The following ADCYAP1 variants were observed in gnomAD, a reference collection of about 807,000 sequenced individuals.
The protein encoded by ADCYAP1 is adenylate cyclase activating polypeptide 1.
Under a neutral mutation model 18.5 loss-of-function variants are expected in ADCYAP1, and 6 were observed. That is an observed-to-expected ratio of 0.32 (90% CI 0.18 to 0.64). The LOEUF (loss-of-function observed/expected upper bound fraction) is 0.64, where lower values mean the gene tolerates loss of function less well. Among genes scored for constraint, ADCYAP1 ranks in the 30% least tolerant of loss-of-function variants. ADCYAP1 has a pLI of 0.77. For missense variants in ADCYAP1, 314 were observed against 253.6 expected (o/e 1.24, Z -1.62); for synonymous variants, 136 against 113.9 (o/e 1.19, Z -1.24).
At chr18:905,546 A>G (rs1333588601) in intron 2 of ADCYAP1, 50 bp downstream of exon 2, 1 of 1,590,298 alleles carries the variant, frequency 6.3e-7, no homozygotes, top group Admixed American at 1.7e-5. Context: ...TCCCAGGCAC[A>G]GACGCTTCCT....
chr18:907,330 G>C (rs961686030), intron 2 of ADCYAP1, among the ~76,000 whole-genome samples: 50 of 152,320 alleles, frequency 3.3e-4, no homozygotes, highest in African/African-American at 1.2e-3. Flanking sequence ...GGAGCCAGGC[G>C]GGGAGGGGGG....
Position 905,070 on chromosome 18 carries a change from G to C in ADCYAP1, c.-2+10G>C. 7.7e-7 allele frequency: 1 copy of C among 1,294,284 alleles called. No homozygotes were observed. The highest frequency in any genetic ancestry group is 2.8e-5 in the Admixed American group (1 of 35,712). 80.2% of individuals were successfully genotyped at this position (1,294,284 alleles called of 1,614,324 possible). A position where few individuals can be genotyped will look rare whatever the true frequency, so the allele number is the denominator to read the frequency against. On this transcript the variant is annotated intron_variant, in intron 1 of 4. Coordinates refer to ENST00000450565, the MANE Select transcript of ADCYAP1 (RefSeq NM_001099733.2). ...CGGGAGGAGTTGAAGGGTAAGGGAG[G>C]GAAAATCTTACCAAAGCGACCGGCT...
chr18:908,185 C>A, intron 3 of ADCYAP1, 80 bp from the exon 4 acceptor site: 1 of 1,303,780 alleles, frequency 7.7e-7, no homozygotes. Context: ...CGAGGGGGCG[C>A]GCGCCCAACA....
At chr18:909,401 G>A (rs765196523) in intron 4 of ADCYAP1, 45 bp from the exon 5 acceptor site, 11 of 1,575,356 alleles carry the variant, frequency 7.0e-6, no homozygotes, top group South Asian at 1.2e-5. Flanking sequence ...GATTGAACCT[G>A]TGTCTCCCGC....
At chr18:905,648 G>C in intron 2 of ADCYAP1, 152 bp downstream of exon 2, 1 of 937,744 alleles carries the variant, frequency 1.1e-6, no homozygotes, top group South Asian at 1.7e-5. Context: ...GCTGGACAGC[G>C]GGTCCCCATT....
chr18:904,683 C>T (rs1466092549), upstream of ADCYAP1: 32 of 1,216,524 alleles, frequency 2.6e-5, no homozygotes, highest in African/African-American at 4.8e-5. Flanking sequence ...TGCCTTCCTC[C>T]CCTTCTTTTC....
intron 4 of ADCYAP1, among the ~76,000 whole-genome samples, chr18:908,929 C>T (rs543487627): frequency 6.6e-6 from 1 of 152,288 alleles, no homozygotes; most frequent in African/African-American, 2.4e-5. Context: ...ATATTGCCTA[C>T]AGCCTGTCGA....
In ADCYAP1 at chr18:905,478, T is replaced by G; in HGVS notation, c.92T>G (p.Leu31Arg). Residue 31 changes from leucine (L) to arginine (R), a missense_variant, in exon 2 of 5, where the codon CTC becomes CGC. Physicochemically the swap from Leu to Arg is moderately radical, Grantham distance 102. Coordinates refer to ENST00000450565, the MANE Select transcript of ADCYAP1 (RefSeq NM_001099733.2). The stretch of plus-strand genomic sequence containing the variant: ...TACAGCTCACCTGCCGCCGCCGGAC[T>G]CCGGTTCCCCGGGATCAGGTAGGTG... Reference protein sequence around the residue: ...SVYSSPAAAGLRFPGIRPEEE... With the variant: ...SVYSSPAAAGRRFPGIRPEEE... The G allele has an allele frequency of 6.2e-7, 1 of 1,608,694 alleles. No individual in the cohort carries two copies. The highest frequency in any genetic ancestry group is 8.5e-7 in the Non-Finnish European group (1 of 1,179,990).
At chr18:905,271 AGGGAG>A in intron 1 of ADCYAP1, 110 bp from the exon 2 acceptor site, 1 of 1,515,464 alleles carries the variant, frequency 6.6e-7, no homozygotes, top group Non-Finnish European at 8.8e-7. Flanking sequence ...TGTTCAACTC[AGGGAG>A]CCGGGGCTTC....
rs58719451 is a variant in ADCYAP1, at chr18:908,168, C to G, written c.243-97C>G. ...CTGGAGGTTTCCCTGTCAGCCTCCC[C>G]GGCCGCCGAGGGGGCGCGCGCCCAA... is the stretch of plus-strand genomic sequence containing the variant. On this transcript the variant is annotated intron_variant, in intron 3 of 4. Coordinates refer to ENST00000450565, the MANE Select transcript of ADCYAP1 (RefSeq NM_001099733.2). 5.1e-4 allele frequency: 575 copies of G among 1,122,182 alleles called. 4 individuals carry two copies. The African/African-American group carries it at 7.7e-3, about 15-fold the overall frequency. 69.5% of individuals were successfully genotyped at this position (1,122,182 alleles called of 1,614,324 possible).
rs2143130482 is a variant in ADCYAP1 at position 910,224 on chromosome 18, C to T, written c.*589C>T. The T allele has an allele frequency of 6.5e-6, 1 of 152,736 alleles. No individual in the cohort carries two copies. The allele number at this position is 152,736 out of a possible 1,614,324, so 9.5% of individuals were successfully genotyped here. The stretch of plus-strand genomic sequence containing the variant: ...AGGCTGCTTCAATCCCAGCCTAACT[C>T]AACTGGGCTCTGTCCCCCTGGTTGG... On this transcript the variant is annotated 3_prime_UTR_variant, in exon 5 of 5. Transcript: ENST00000450565.
chr18:907,434 C>A, intron 2 of ADCYAP1: 1 of 443,942 alleles, frequency 2.3e-6, no homozygotes, highest in Admixed American at 5.1e-5. Flanking sequence ...CGACCCTTTA[C>A]CCGCGAAGGG....
intron 1 of ADCYAP1, 66 bp from the exon 2 acceptor site, chr18:905,320 G>A (rs1909120717): frequency 1.9e-6 from 3 of 1,573,700 alleles, no homozygotes; most frequent in East Asian, 4.5e-5. Flanking sequence ...AGAGCTTTTT[G>A]GGGTTGGAGG....
intron 3 of ADCYAP1, 169 bp from the exon 4 acceptor site, chr18:908,096 A>G (rs1909246835): frequency 1.5e-6 from 1 of 680,960 alleles, no homozygotes; most frequent in Non-Finnish European, 2.4e-6. Context: ...CGATCCTAGC[A>G]GTTGCTCTCG....
rs1319745549 is a variant in ADCYAP1, at chr18:908,307, G to A, written c.285G>A (p.Val95=). 17 of 1,613,356 alleles carry A rather than the reference G, an allele frequency of 1.1e-5. No individual in the cohort carries two copies. The highest frequency in any genetic ancestry group is 3.4e-6 in the Non-Finnish European group (4 of 1,179,794). The change falls in exon 4 of 5, where the codon GTG becomes GTA. Residue 95 remains valine (V), a synonymous_variant. Coordinates refer to ENST00000450565, the MANE Select transcript of ADCYAP1 (RefSeq NM_001099733.2). ...HGILNEAYRK[V]LDQLSAGKHL... Reference sequence around the variant, plus strand: ...TCCTTAACGAGGCCTACCGCAAAGTGCTGGACCAGCTGTCCGCCGGGAAGC... The same window carrying A: ...TCCTTAACGAGGCCTACCGCAAAGTACTGGACCAGCTGTCCGCCGGGAAGC...
At chr18:908,926 C>A (rs1046997852) in intron 4 of ADCYAP1, among the ~76,000 whole-genome samples, 3 of 152,128 alleles carry the variant, frequency 2.0e-5, no homozygotes, top group African/African-American at 7.2e-5. Flanking sequence ...AAAATATTGC[C>A]TACAGCCTGT....
chr18:904,457 G>A (rs184388386), upstream of ADCYAP1: 53 of 1,288,920 alleles, frequency 4.1e-5, no homozygotes, highest in African/African-American at 5.3e-4. Context: ...TGACAAAGAG[G>A]GCTCTCCAAA....
rs1305687091 is a variant in ADCYAP1 at position 908,255 on chromosome 18, T to C, written c.243-10T>C. On this transcript the variant is annotated splice_polypyrimidine_tract_variant and intron_variant, in intron 3 of 4. Transcript: ENST00000450565. ...AGTGACCCTGGGCGCGCACTTTGCC[T>C]CCCCGTTAGAGATGTCGCCCACGGG... is the stretch of plus-strand genomic sequence containing the variant. 6.2e-7 allele frequency: 1 copy of C among 1,607,860 alleles called. No homozygotes were observed. The highest frequency in any genetic ancestry group is 8.5e-7 in the Non-Finnish European group (1 of 1,176,252).
At chr18:904,441 A>G, upstream of ADCYAP1, 1 of 1,288,480 alleles carries the variant, frequency 7.8e-7, no homozygotes, top group Non-Finnish European at 1.0e-6. Context: ...ACAGGCAGGC[A>G]GATGTTGACA....
Sources: gnomAD v4.1 joint callset for allele counts (sites outside exome capture counted in the v4.1 genomes callset) on GRCh38, gnomAD v4.1.1 for gene constraint, MANE v1.5 for transcripts, NCBI Gene and HGNC (gene_info 2026-07-23, HGNC 2026-07-21) for gene names.